Variants in ZNF682 observed in about 807,000 individuals in gnomAD.
ZNF682 encodes zinc finger protein 682.
ZNF682 carries 29 observed loss-of-function variants against 36.5 expected under a neutral mutation model. The observed-to-expected ratio is 0.80, with a 90% CI of 0.59 to 1.08. The LOEUF is 1.08. Ranked by LOEUF, ZNF682 falls within the 50% of genes least tolerant of loss-of-function variation. The probability of loss-of-function intolerance (pLI) is 0.00; values close to 1 mark genes in which losing one functional copy is unlikely to be tolerated. For synonymous variants in ZNF682, 180 were observed against 197.0 expected, an observed-to-expected ratio of 0.91 and a Z score of 0.72; for missense variants, 561 against 579.7, an observed-to-expected ratio of 0.97 and a Z score of 0.33.
At position 20,013,152 on chromosome 19, in the gene ZNF682, A is replaced by G. The variant is rs954346711; in HGVS notation, c.227-5877T>C. 1.1e-4 allele frequency among the ~76,000 whole-genome samples: 16 copies of G among 152,290 alleles called. 1 individual carries two copies. Among genetic ancestry groups the G allele is most frequent in the Admixed American group, 8.5e-4 (13 of 15,292 alleles). ...ATTAGAATGTTAACCAAATGAGAAG[A>G]AACTAGGTCAAAATTACATAAGGCA... On this transcript the variant is annotated intron_variant, in intron 3 of 3. Coordinates refer to ENST00000397165, the MANE Select transcript of ZNF682 (RefSeq NM_033196.3).
At chr19:20,011,177 A>G (rs2088284784) in intron 3 of ZNF682, among the ~76,000 whole-genome samples, 1 of 152,220 alleles carries the variant, frequency 6.6e-6, no homozygotes, top group East Asian at 1.9e-4. Flanking sequence ...TCTTGTATTA[A>G]TAAAACAGAT....
At chr19:20,012,987 C>A (rs2088303813) in intron 3 of ZNF682, among the ~76,000 whole-genome samples, 1 of 151,866 alleles carries the variant, frequency 6.6e-6, no homozygotes, top group East Asian at 1.9e-4. Context: ...AATTAAAATT[C>A]ATGGTTCATG....
chr19:20,015,479 A>G (rs1568541307), intron 3 of ZNF682: 15 of 925,576 alleles, frequency 1.6e-5, no homozygotes, highest in Admixed American at 6.2e-5. Context: ...AATAAAAACT[A>G]AAAAATATAA....
At chr19:20,003,331 T>C (rs1409246168), downstream of ZNF682, among the ~76,000 whole-genome samples, 2 of 152,056 alleles carry the variant, frequency 1.3e-5, no homozygotes, top group Non-Finnish European at 2.9e-5. Context: ...CAAATTATTT[T>C]GCAAGCACCA....
At chr19:20,002,946 T>C (rs960347292), downstream of ZNF682, among the ~76,000 whole-genome samples, 4 of 151,760 alleles carry the variant, frequency 2.6e-5, no homozygotes, top group Non-Finnish European at 5.9e-5. Context: ...ATCCCAGCAC[T>C]TTGGGAGGCT....
chr19:20,015,801 T>C (rs1377864528), intron 3 of ZNF682: 1 of 398,046 alleles, frequency 2.5e-6, no homozygotes, highest in Admixed American at 4.4e-5. Context: ...TATTAATATG[T>C]TGCTCTTCTT....
chr19:20,008,588 C>T (rs974397225), intron 3 of ZNF682, among the ~76,000 whole-genome samples: 2 of 152,170 alleles, frequency 1.3e-5, no homozygotes, highest in African/African-American at 4.8e-5. Context: ...CTTACTTTTG[C>T]AAGCAAAGGA....
At chr19:20,026,523 T>C (rs1196026973) in intron 1 of ZNF682, among the ~76,000 whole-genome samples, 1 of 152,052 alleles carries the variant, frequency 6.6e-6, no homozygotes. Flanking sequence ...TGGAGTGCAG[T>C]GAGTGGCATG....
At position 20,006,422 on chromosome 19, in the gene ZNF682, C is replaced by G. The variant is rs199794786; in HGVS notation, c.1080G>C (p.Lys360Asn). The G allele has an allele frequency of 6.7e-5, 108 of 1,613,606 alleles. No individual in the cohort carries two copies. Among genetic ancestry groups the G allele is most frequent in the Middle Eastern group, 3.3e-4 (2 of 6,082 alleles). Residue 360 changes from lysine to asparagine, a missense_variant, in exon 4 of 4, where the codon AAG (lysine) becomes AAC (asparagine). Physicochemically the swap from Lys to Asn is moderately conservative, Grantham distance 94. Coordinates refer to ENST00000397165, the MANE Select transcript of ZNF682 (RefSeq NM_033196.3). Reference sequence around the variant, plus strand: ...AGGGTTTCTCTCCGCTATGAATTACCTTATGTTCAGTAAGAATTGATGATG... The same window carrying G: ...AGGGTTTCTCTCCGCTATGAATTACGTTATGTTCAGTAAGAATTGATGATG... ...FNSSSILTEH[K>N]VIHSGEKPYK...
chr19:20,030,478 G>C (rs2088470467), intron 1 of ZNF682, among the ~76,000 whole-genome samples: 1 of 152,128 alleles, frequency 6.6e-6, no homozygotes, highest in African/African-American at 2.4e-5. Context: ...GCTGAGACAG[G>C]AGAAAATCAC....
chr19:20,012,343 A>G (rs933455762), intron 3 of ZNF682, among the ~76,000 whole-genome samples: 7 of 152,216 alleles, frequency 4.6e-5, no homozygotes, highest in African/African-American at 7.2e-5. Context: ...CTAAGTTAAC[A>G]AAGAAAAAAA....
At chr19:20,023,968 T>G (rs2088409782) in intron 2 of ZNF682, among the ~76,000 whole-genome samples, 1 of 151,982 alleles carries the variant, frequency 6.6e-6, no homozygotes, top group Admixed American at 6.6e-5. Flanking sequence ...GCAACAGAGC[T>G]AGACTCTGTC....
chr19:20,032,792 A>C lies in ZNF682; in HGVS notation c.3+6551T>G, dbSNP rs2088490345. Among the ~76,000 whole-genome samples the C allele has an allele frequency of 2.0e-5, 3 of 152,346 alleles. No individual in the cohort carries two copies. In the South Asian group the frequency reaches 6.2e-4, roughly 32 times the overall value. On this transcript the variant is annotated intron_variant, in intron 1 of 3. Coordinates refer to ENST00000397165, the MANE Select transcript of ZNF682 (RefSeq NM_033196.3). ...AGGTTGTCATAATTAGTCCTCAAGA[A>C]GACCACGTGACAGCACTCACTTGTC...
intron 1 of ZNF682, among the ~76,000 whole-genome samples, chr19:20,036,499 G>A (rs1189604484): frequency 2.0e-5 from 3 of 150,888 alleles, no homozygotes; most frequent in South Asian, 2.1e-4. Context: ...CCAGCTACTC[G>A]GGAGGCTGAG....
chr19:20,027,845 C>T (rs1403838994), intron 1 of ZNF682, among the ~76,000 whole-genome samples: 1 of 151,636 alleles, frequency 6.6e-6, no homozygotes, highest in Non-Finnish European at 1.5e-5. Flanking sequence ...GCCCAGGAGA[C>T]AGAGGTTGCA....
chr19:20,003,700 G>A (rs1174525627), downstream of ZNF682, among the ~76,000 whole-genome samples: 15 of 144,806 alleles, frequency 1.0e-4, no homozygotes, highest in South Asian at 2.2e-4. Context: ...GCAAGACTCC[G>A]TCTCAAAAAA....
rs929522492 is a variant in ZNF682, at chr19:20,032,801, G to A, written c.3+6542C>T. On this transcript the variant is annotated intron_variant, in intron 1 of 3. Transcript: ENST00000397165. ...TAATTAGTCCTCAAGAAGACCACGT[G>A]ACAGCACTCACTTGTCGTAGATAGT... is the stretch of plus-strand genomic sequence containing the variant. Among the ~76,000 whole-genome samples the A allele has an allele frequency of 2.0e-5, 3 of 152,320 alleles. No individual in the cohort carries two copies. In the South Asian group the frequency reaches 6.2e-4, roughly 32 times the overall value.
At chr19:20,026,280 G>A (rs897967067) in intron 1 of ZNF682, among the ~76,000 whole-genome samples, 1 of 147,938 alleles carries the variant, frequency 6.8e-6, no homozygotes, top group African/African-American at 2.4e-5. Context: ...TCCAGCCTGG[G>A]CGACAGAGCG....
At chr19:20,012,051 A>C (rs1389626438) in intron 3 of ZNF682, among the ~76,000 whole-genome samples, 1 of 152,038 alleles carries the variant, frequency 6.6e-6, no homozygotes, top group Non-Finnish European at 1.5e-5. Flanking sequence ...TAAAAAAAAA[A>C]CAGTGACAAA....
Sources: gnomAD v4.1 joint callset for allele counts (sites outside exome capture counted in the v4.1 genomes callset) on GRCh38, gnomAD v4.1.1 for gene constraint, MANE v1.5 for transcripts, NCBI Gene and HGNC (gene_info 2026-07-23, HGNC 2026-07-21) for gene names.